Variants in SH2D4B observed in about 807,000 individuals in gnomAD.
SH2D4B encodes SH2 domain containing 4B.
SH2D4B carries 45 observed loss-of-function variants against 61.5 expected under a neutral mutation model. That is an observed-to-expected ratio of 0.73 (90% CI 0.58 to 0.94). The LOEUF (loss-of-function observed/expected upper bound fraction) is 0.94. SH2D4B is among the 40% of genes least tolerant of loss of function. The pLI, the probability that SH2D4B is intolerant of heterozygous loss-of-function variation, is 0.00. For synonymous variants in SH2D4B, 224 were observed against 220.4 expected, an observed-to-expected ratio of 1.02 and a Z score of -0.14; for missense variants, 572 against 574.2, an observed-to-expected ratio of 1.00 and a Z score of 0.04.
At chr10:80,544,916 C>T (rs1004081805) in intron 1 of SH2D4B, among the ~76,000 whole-genome samples, 1 of 152,142 alleles carries the variant, frequency 6.6e-6, no homozygotes, top group African/African-American at 2.4e-5. Context: ...ATGCCCTTTC[C>T]CCAGATCCTC....
chr10:80,598,657 A>G (rs1357148171), intron 4 of SH2D4B, among the ~76,000 whole-genome samples: 1 of 152,238 alleles, frequency 6.6e-6, no homozygotes, highest in Non-Finnish European at 1.5e-5. Flanking sequence ...AAGGGAAATT[A>G]TCCCATTTAG....
intron 3 of SH2D4B, among the ~76,000 whole-genome samples, chr10:80,586,156 C>T (rs1350880778): frequency 6.6e-6 from 1 of 152,184 alleles, no homozygotes; most frequent in African/African-American, 2.4e-5. Context: ...CTGAGCCTCC[C>T]CCTCCTCCAT....
intron 5 of SH2D4B, among the ~76,000 whole-genome samples, chr10:80,608,607 T>A (rs1178710327): frequency 8.5e-5 from 13 of 152,084 alleles, no homozygotes; most frequent in Admixed American, 8.5e-4. Flanking sequence ...ACGAAAGCAA[T>A]GACGAGCTTG....
chr10:80,581,206 T>C (rs1842181574), intron 3 of SH2D4B, among the ~76,000 whole-genome samples: 1 of 152,174 alleles, frequency 6.6e-6, no homozygotes, highest in South Asian at 2.1e-4. Context: ...GAAGAACTGA[T>C]TGAACATGGC....
chr10:80,583,199 T>C (rs1400591486), intron 3 of SH2D4B, among the ~76,000 whole-genome samples: 4 of 152,006 alleles, frequency 2.6e-5, no homozygotes, highest in Non-Finnish European at 5.9e-5. Context: ...CCTAAAATCC[T>C]CAGAGAAATG....
At chr10:80,562,026 A>G (rs1178166921) in intron 1 of SH2D4B, among the ~76,000 whole-genome samples, 1 of 126,548 alleles carries the variant, frequency 7.9e-6, no homozygotes, top group South Asian at 2.4e-4. Flanking sequence ...CACTCTTCCA[A>G]TTACACACAC....
chr10:80,558,744 A>G (rs889654101), intron 1 of SH2D4B, among the ~76,000 whole-genome samples: 4 of 152,170 alleles, frequency 2.6e-5, no homozygotes, highest in Admixed American at 2.6e-4. Flanking sequence ...GGCTCAAGCA[A>G]TCTGTCCAAC....
chr10:80,597,161 T>C (rs1171779603), intron 4 of SH2D4B, among the ~76,000 whole-genome samples: 1 of 152,164 alleles, frequency 6.6e-6, no homozygotes, highest in Non-Finnish European at 1.5e-5. Flanking sequence ...CAGATTTTGG[T>C]ATTCATGAGA....
At chr10:80,596,438 C>T (rs576557041) in intron 4 of SH2D4B, among the ~76,000 whole-genome samples, 2 of 152,338 alleles carry the variant, frequency 1.3e-5, no homozygotes, top group South Asian at 4.1e-4. Flanking sequence ...GATAAGGAAT[C>T]TCAGGCTCAG....
In SH2D4B at chr10:80,593,539, T is replaced by G. The variant is rs142870116; in HGVS notation, c.643+4762T>G. ...TAGAAATGCAATTGACTTTTGTATA[T>G]TGATCTTGTATCCTGTAACCTTACT... On this transcript the variant is annotated intron_variant, in intron 4 of 7. Transcript: ENST00000646907. 3.5e-3 allele frequency among the ~76,000 whole-genome samples: 527 copies of G among 152,366 alleles called. 3 individuals are homozygous for G. Among genetic ancestry groups the G allele is most frequent in the African/African-American group, 9.6e-3 (399 of 41,592 alleles).
At chr10:80,600,892 C>T (rs1283799386) in intron 4 of SH2D4B, among the ~76,000 whole-genome samples, 3 of 152,118 alleles carry the variant, frequency 2.0e-5, no homozygotes, top group South Asian at 2.1e-4. Flanking sequence ...TTGTAGGGCA[C>T]GAGCTTCTAG....
intron 6 of SH2D4B, among the ~76,000 whole-genome samples, chr10:80,624,002 C>T (rs550777748): frequency 2.0e-5 from 3 of 152,206 alleles, no homozygotes; most frequent in Non-Finnish European, 2.9e-5. Context: ...CTTTATTTAA[C>T]GACGGGGGCT....
intron 1 of SH2D4B, among the ~76,000 whole-genome samples, chr10:80,548,021 C>T (rs1345129915): frequency 2.6e-5 from 4 of 152,158 alleles, no homozygotes; most frequent in Non-Finnish European, 5.9e-5. Context: ...GTCCTATCAC[C>T]TGTCACCTGT....
intron 6 of SH2D4B, among the ~76,000 whole-genome samples, chr10:80,628,167 C>G (rs1842784534): frequency 6.6e-6 from 1 of 152,080 alleles, no homozygotes; most frequent in African/African-American, 2.4e-5. Context: ...GAGAGGCAAT[C>G]CAGGGGGAGA....
intron 6 of SH2D4B, among the ~76,000 whole-genome samples, chr10:80,622,635 A>C (rs188792628): frequency 6.6e-6 from 1 of 152,140 alleles, no homozygotes; most frequent in Admixed American, 6.5e-5. Context: ...GGAGGGTCTC[A>C]TGGTGGGCTC....
intron 3 of SH2D4B, among the ~76,000 whole-genome samples, chr10:80,582,559 C>T (rs1842194822): frequency 6.6e-6 from 1 of 152,134 alleles, no homozygotes; most frequent in Admixed American, 6.5e-5. Flanking sequence ...CTTGGGATAT[C>T]TGCTCAATCT....
intron 7 of SH2D4B, among the ~76,000 whole-genome samples, chr10:80,636,535 T>C (rs1840173582): frequency 6.6e-6 from 1 of 152,372 alleles, no homozygotes. Flanking sequence ...GATTTGCATT[T>C]CTCTGATGAC....
chr10:80,556,180 T>C (rs531791182), intron 1 of SH2D4B, among the ~76,000 whole-genome samples: 5 of 152,322 alleles, frequency 3.3e-5, no homozygotes, highest in African/African-American at 1.2e-4. Context: ...TAGTACTATT[T>C]GTTGAAAAAA....
At chr10:80,586,420 G>A (rs1181833070) in intron 3 of SH2D4B, among the ~76,000 whole-genome samples, 2 of 152,048 alleles carry the variant, frequency 1.3e-5, no homozygotes, top group Non-Finnish European at 2.9e-5. Context: ...TCTAGCTCAA[G>A]GTTTGTAAAC....
Sources: allele counts gnomAD v4.1 joint callset (sites outside exome capture counted in the v4.1 genomes callset), GRCh38; gene constraint gnomAD v4.1.1; transcripts MANE v1.5; gene names NCBI Gene and HGNC (gene_info 2026-07-23, HGNC 2026-07-21).